PLEKHG1: variants seen among roughly 807,000 people sequenced by gnomAD.
PLEKHG1 encodes pleckstrin homology and RhoGEF domain containing G1, also known as pleckstrin homology domain-containing family G member 1.
In PLEKHG1, 44 loss-of-function variants were observed where a neutral mutation model predicts 100.8. The observed-to-expected ratio is 0.44, with a 90% CI of 0.34 to 0.56. The LOEUF is 0.56. PLEKHG1 is among the 20% of genes least tolerant of loss of function. The pLI, the probability that PLEKHG1 is intolerant of heterozygous loss-of-function variation, is 0.01. For missense variants in PLEKHG1, 1,545 were observed against 1,720.9 expected (o/e 0.90, Z 1.81); for synonymous variants, 640 against 662.5 (o/e 0.97, Z 0.52).
chr6:150,633,252 A>G (rs1399912250), intron 1 of PLEKHG1: 1 of 152,394 alleles, frequency 6.6e-6, no homozygotes, highest in Non-Finnish European at 1.5e-5. Flanking sequence ...TGCCGTCCTG[A>G]CGGAAGTCAT....
intron 1 of PLEKHG1, among the ~76,000 whole-genome samples, chr6:150,626,829 CGTGT>C (rs896106896): frequency 4.0e-5 from 6 of 151,892 alleles, no homozygotes; most frequent in African/African-American, 1.5e-4. Context: ...TGTGTGTGTG[CGTGT>C]GTGTGTGTTT....
At chr6:150,723,417 A>G (rs1329238044) in intron 1 of PLEKHG1, among the ~76,000 whole-genome samples, 2 of 152,142 alleles carry the variant, frequency 1.3e-5, no homozygotes, top group Non-Finnish European at 2.9e-5. Context: ...ATATGGTACC[A>G]TGTGCTTTAG....
chr6:150,717,475 C>T (rs553079122), upstream of PLEKHG1, among the ~76,000 whole-genome samples: 15 of 152,210 alleles, frequency 9.9e-5, no homozygotes, highest in East Asian at 2.3e-3. Flanking sequence ...CCACCACGCC[C>T]GGCCTGGGAA....
intron 2 of PLEKHG1, among the ~76,000 whole-genome samples, chr6:150,745,921 G>C (rs993677334): frequency 6.6e-6 from 1 of 152,140 alleles, no homozygotes; most frequent in Admixed American, 6.5e-5. Flanking sequence ...AGAACAAAAG[G>C]AAGCAAGAGA....
intron 2 of PLEKHG1, among the ~76,000 whole-genome samples, chr6:150,638,650 C>A (rs1023483137): frequency 1.3e-5 from 2 of 152,152 alleles, no homozygotes; most frequent in African/African-American, 2.4e-5. Context: ...TTGCCAGGTA[C>A]CCCTTGTGTA....
At chr6:150,739,832 T>C (rs950144313) in intron 2 of PLEKHG1, among the ~76,000 whole-genome samples, 1 of 152,180 alleles carries the variant, frequency 6.6e-6, no homozygotes, top group Non-Finnish European at 1.5e-5. Context: ...AGCTCTGTGT[T>C]CGTTAGTCTA....
At chr6:150,734,198 G>C in intron 2 of PLEKHG1, 106 bp downstream of exon 3, 1 of 1,110,496 alleles carries the variant, frequency 9.0e-7, no homozygotes, top group Non-Finnish European at 1.3e-6. Flanking sequence ...AGAGGCGGAA[G>C]GGATGTGAAT....
chr6:150,718,890 C>CAAAA (rs111800365), upstream of PLEKHG1, among the ~76,000 whole-genome samples: 5 of 144,062 alleles, frequency 3.5e-5, no homozygotes, highest in African/African-American at 1.3e-4. Flanking sequence ...AATATAAAGG[C>CAAAA]AAAAAAAAAA....
chr6:150,790,265 G>T (rs1785892101), intron 4 of PLEKHG1, among the ~76,000 whole-genome samples: 1 of 152,164 alleles, frequency 6.6e-6, no homozygotes, highest in Non-Finnish European at 1.5e-5. Flanking sequence ...GACCTCAGGT[G>T]ATCCACCTGC....
intron 2 of PLEKHG1, among the ~76,000 whole-genome samples, chr6:150,749,298 C>T (rs569492088): frequency 6.6e-6 from 1 of 152,278 alleles, no homozygotes; most frequent in East Asian, 1.9e-4. Flanking sequence ...ACATCTCAGC[C>T]ACTGACCAGG....
intron 1 of PLEKHG1, among the ~76,000 whole-genome samples, chr6:150,631,439 A>C (rs1777742802): frequency 6.6e-6 from 1 of 152,162 alleles, no homozygotes; most frequent in Admixed American, 6.5e-5. Context: ...TCCCCTACAC[A>C]CAGGGAGTAT....
chr6:150,734,751 C>A (rs1782474155), intron 2 of PLEKHG1, among the ~76,000 whole-genome samples: 2 of 152,000 alleles, frequency 1.3e-5, no homozygotes, highest in Non-Finnish European at 2.9e-5. Flanking sequence ...AGTGAGTAAT[C>A]CTATATAAAT....
chr6:150,719,967 ATTATG>A (rs888331604), upstream of PLEKHG1, among the ~76,000 whole-genome samples: 34 of 152,318 alleles, frequency 2.2e-4, no homozygotes, highest in Middle Eastern at 3.4e-3. Context: ...AAATTATCCT[ATTATG>A]TTGTTAGTTT....
exon 16 of PLEKHG1, chr6:150,840,136 A>G: frequency 6.2e-7 from 1 of 1,614,234 alleles, no homozygotes; most frequent in Non-Finnish European, 8.5e-7. Flanking sequence ...CCTTCTCTTC[A>G]AACCTCTGAC....
intron 3 of PLEKHG1, among the ~76,000 whole-genome samples, chr6:150,715,490 C>CT (rs35466419): frequency 0.069 from 9,171 of 133,392 alleles, 423 homozygotes; most frequent in Admixed American, 0.14. Context: ...TTTTCTTTTT[C>CT]TTTTTTTTTT....
chr6:150,614,856 TAAAG>T (rs987763176), intron 1 of PLEKHG1, among the ~76,000 whole-genome samples: 7 of 152,218 alleles, frequency 4.6e-5, no homozygotes, highest in African/African-American at 1.4e-4. Context: ...TGAGGAGACT[TAAAG>T]AAACACTTAT....
intron 15 of PLEKHG1, 81 bp downstream of exon 16, chr6:150,832,286 C>A: frequency 1.7e-6 from 2 of 1,169,260 alleles, no homozygotes; most frequent in Non-Finnish European, 2.4e-6. Context: ...TTAAAACGGA[C>A]ACACCTGTGA....
At chr6:150,703,072 G>A (rs1318178727) in intron 3 of PLEKHG1, among the ~76,000 whole-genome samples, 1 of 152,154 alleles carries the variant, frequency 6.6e-6, no homozygotes, top group East Asian at 1.9e-4. Context: ...GCCTTTAGAT[G>A]AAAAAATGGC....
chr6:150,754,853 A>G (rs977121139), intron 2 of PLEKHG1, among the ~76,000 whole-genome samples: 2 of 152,002 alleles, frequency 1.3e-5, no homozygotes, highest in Non-Finnish European at 2.9e-5. Flanking sequence ...TATTATTAGT[A>G]GAGACAGGAT....
Sources: allele counts gnomAD v4.1 joint callset (sites outside exome capture counted in the v4.1 genomes callset), GRCh38; gene constraint gnomAD v4.1.1; transcripts MANE v1.5; gene names NCBI Gene and HGNC (gene_info 2026-07-23, HGNC 2026-07-21).